FBLIM1: variants seen among roughly 807,000 people sequenced by gnomAD.
FBLIM1 encodes the protein filamin-binding LIM protein 1.
In FBLIM1, 29 loss-of-function variants were observed where a neutral mutation model predicts 37.4. The ratio of observed to expected loss-of-function variants is 0.77; its 90% CI spans 0.58 to 1.06. The LOEUF is 1.06. Ranked by LOEUF, FBLIM1 falls within the 50% of genes least tolerant of loss-of-function variation. The probability of loss-of-function intolerance (pLI) is 0.00; values close to 1 mark genes in which losing one functional copy is unlikely to be tolerated. For missense variants in FBLIM1, 449 were observed against 505.6 expected, an observed-to-expected ratio of 0.89 and a Z score of 1.07; for synonymous variants, 193 against 199.0, an observed-to-expected ratio of 0.97 and a Z score of 0.25.
chr1:15,779,426 T>G (rs1200402200), intron 8 of FBLIM1, among the ~76,000 whole-genome samples: 2 of 152,108 alleles, frequency 1.3e-5, no homozygotes, highest in Non-Finnish European at 2.9e-5. Context: ...TGCCTCAGCC[T>G]ACCAAGCAGC....
At chr1:15,777,030 A>T (rs1429185067) in intron 7 of FBLIM1, 140 bp from the exon 8 acceptor site, 3 of 666,488 alleles carry the variant, frequency 4.5e-6, no homozygotes, top group Non-Finnish European at 8.0e-6. Context: ...CCAAGAAGAA[A>T]CAGACATCTC....
intron 6 of FBLIM1, among the ~76,000 whole-genome samples, chr1:15,772,892 C>G (rs1311043205): frequency 6.6e-6 from 1 of 152,032 alleles, no homozygotes; most frequent in Admixed American, 6.6e-5. Context: ...CCACGTGATT[C>G]TCCCGCCTCA....
intron 6 of FBLIM1, among the ~76,000 whole-genome samples, chr1:15,772,446 G>T (rs1456100535): frequency 6.6e-6 from 1 of 152,134 alleles, no homozygotes; most frequent in African/African-American, 2.4e-5. Context: ...GGGAGAGAAG[G>T]GCCATGCCCA....
At chr1:15,777,735 G>A (rs2069535964) in intron 8 of FBLIM1, among the ~76,000 whole-genome samples, 1 of 151,968 alleles carries the variant, frequency 6.6e-6, no homozygotes, top group South Asian at 2.1e-4. Context: ...ACCACACCTG[G>A]CTAATTTTTG....
intron 7 of FBLIM1, 80 bp from the exon 8 acceptor site, chr1:15,777,090 C>A: frequency 1.7e-6 from 2 of 1,153,932 alleles, no homozygotes; most frequent in Non-Finnish European, 2.5e-6. Context: ...TGAACACCAG[C>A]CAGCCCGAGT....
Position 15,770,555 on chromosome 1 carries a change from C to A in FBLIM1, c.688C>A (p.Pro230Thr), listed in dbSNP as rs749932437. ...GAGCTTCTACCAGAAGGATGGGCGA[C>A]CCCTCTGCGAACCCTGCTACCAGGT... ...GQSFYQKDGR[P>T]LCEPCYQDTL... Residue 230 changes from proline to threonine, a missense_variant, in exon 6 of 9, where the codon CCC becomes ACC. Transcript: ENST00000375766. 4 of 1,613,838 alleles carry A rather than the reference C, an allele frequency of 2.5e-6. No homozygotes were observed. The highest frequency in any genetic ancestry group is 1.3e-5 in the African/African-American group (1 of 74,926).
At chr1:15,772,103 T>A (rs1024548487) in intron 6 of FBLIM1, among the ~76,000 whole-genome samples, 2 of 152,172 alleles carry the variant, frequency 1.3e-5, no homozygotes, top group Non-Finnish European at 2.9e-5. Flanking sequence ...TGTAGGCCAC[T>A]CTTTGTGCTT....
At position 15,770,676 on chromosome 1, in the gene FBLIM1, A is replaced by G. The variant is rs1447355402; in HGVS notation, c.711+98A>G. The G allele has an allele frequency of 2.2e-6, 3 of 1,365,962 alleles. No homozygotes were observed. In the African/African-American group the frequency reaches 4.3e-5, roughly 20 times the overall value. 84.6% of individuals were successfully genotyped at this position (1,365,962 alleles called of 1,614,324 possible). A position where few individuals can be genotyped will look rare whatever the true frequency, so the allele number is the denominator to read the frequency against. On this transcript the variant is annotated intron_variant, in intron 6 of 8. Coordinates refer to ENST00000375766, the MANE Select transcript of FBLIM1 (RefSeq NM_017556.4). ...CCCCACACAGTCCTGGGAAGTAGGC[A>G]CTATTGACCCCTTTCACAGATGAGG... is the stretch of plus-strand genomic sequence containing the variant.
rs1479599531 is a variant in FBLIM1, at chr1:15,784,708, C to A, written c.*47C>A. ...CAGACCACTAGCCCCGGCTGGGGCC[C>A]TTCCCTGACTTGGTTTCCCTTCCTA... On this transcript the variant is annotated 3_prime_UTR_variant, in exon 9 of 9. Coordinates refer to ENST00000375766, the MANE Select transcript of FBLIM1 (RefSeq NM_017556.4). The A allele has an allele frequency of 1.9e-6, 3 of 1,545,128 alleles. No individual in the cohort carries two copies. The highest frequency in any genetic ancestry group is 1.7e-5 in the Admixed American group (1 of 58,096).
chr1:15,778,645 CTTT>C (rs57110270), intron 8 of FBLIM1, among the ~76,000 whole-genome samples: 2 of 146,956 alleles, frequency 1.4e-5, no homozygotes, highest in Non-Finnish European at 1.5e-5. Flanking sequence ...GCTTCTTTTT[CTTT>C]TTTTTTTTTG....
chr1:15,762,071 T>A (rs1265471827), intron 1 of FBLIM1, among the ~76,000 whole-genome samples: 1 of 151,732 alleles, frequency 6.6e-6, no homozygotes, highest in Non-Finnish European at 1.5e-5. Flanking sequence ...GGTGCCACCA[T>A]GCTCTCTGAT....
Position 15,767,435 on chromosome 1 carries a change from C to T in FBLIM1, c.310C>T (p.Leu104Phe), listed in dbSNP as rs148878386. Residue 104 changes from leucine (L) to phenylalanine (F), a missense_variant, in exon 4 of 9, where the codon CTC becomes TTC. Transcript: ENST00000375766. ...GEDVLPDLDL[L>F]PPPPPPPPVL... is the part of the protein sequence containing the mutation. ...GGACGTGCTTCCTGACCTGGACCTC[C>T]TCCCACCCCCTCCACCGCCCCCTCC... 1.9e-6 allele frequency: 3 copies of T among 1,554,648 alleles called. No homozygotes were observed. The highest frequency in any genetic ancestry group is 1.4e-5 in the African/African-American group (1 of 71,802).
In FBLIM1 at chr1:15,765,929, G is replaced by A. The variant is rs2068894435; in HGVS notation, c.250+696G>A. ...CACTCTTACTGCCTCTCCAAGACCT[G>A]GTTCCTGACTCCGTGAGCTCATCGG... On this transcript the variant is annotated intron_variant, in intron 3 of 8. Transcript: ENST00000375766. This position sits in a 1 kb window ranked among gnomAD's most constrained non-coding sequence, Gnocchi z 5.9. Among the ~76,000 whole-genome samples, 1 of 152,074 alleles carries A rather than the reference G, an allele frequency of 6.6e-6. No homozygotes were observed. Among genetic ancestry groups the A allele is most frequent in the Non-Finnish European group, 1.5e-5 (1 of 68,014 alleles).
chr1:15,765,106 C>T lies in FBLIM1; in HGVS notation c.123C>T (p.Arg41=), dbSNP rs1230989414. The T allele has an allele frequency of 6.2e-7, 1 of 1,613,834 alleles. No homozygotes were observed. Among genetic ancestry groups the T allele is most frequent in the Non-Finnish European group, 8.5e-7 (1 of 1,179,866 alleles). ...CAGTTTGTGAGGCCCGGCGTGGCCGCCCCTGGGAGGCTCCTGCCCCCATGA... is the reference window on the plus strand; with the variant it reads ...CAGTTTGTGAGGCCCGGCGTGGCCGTCCCTGGGAGGCTCCTGCCCCCATGA... ...RQAVCEARRG[R]PWEAPAPMKT... is the part of the protein sequence containing the mutation. Residue 41 remains arginine, a synonymous_variant, in exon 3 of 9, where the codon CGC becomes CGT. Coordinates refer to ENST00000375766, the MANE Select transcript of FBLIM1 (RefSeq NM_017556.4). The surrounding 1 kb of genome is among the most constrained non-coding windows in gnomAD (Gnocchi z 5.9).
rs1260324490 is a variant in FBLIM1, at chr1:15,786,114, AGCCT to A, written c.*1455_*1458del. ...AAGTCCTACTTGGGCCCTGCAGCCC[AGCCT>A]GTGTTGTAACCTCTGCGTCCTCAAG... On this transcript the variant is annotated 3_prime_UTR_variant, in exon 9 of 9. Transcript: ENST00000375766. 1 of 152,296 alleles carries A rather than the reference AGCCT, an allele frequency of 6.6e-6. No individual in the cohort carries two copies. Among genetic ancestry groups the A allele is most frequent in the East Asian group, 1.9e-4 (1 of 5,204 alleles). The allele number at this position is 152,296 out of a possible 1,614,324, so 9.4% of individuals were successfully genotyped here. A position where few individuals can be genotyped will look rare whatever the true frequency, so the allele number is the denominator to read the frequency against.
rs78036615 is a variant in FBLIM1 at position 15,764,223 on chromosome 1, C to T, written c.-210-273C>T. Among the ~76,000 whole-genome samples, 30 of 152,314 alleles carry T rather than the reference C, an allele frequency of 2.0e-4. No individual in the cohort carries two copies. In the East Asian group the frequency reaches 3.9e-3, roughly 20 times the overall value. ...CTGGGTTCCAGTGCCACCTCACCACCGTGTGACCCTGGACAGGTGACTTCT... is the reference window on the plus strand; with the variant it reads ...CTGGGTTCCAGTGCCACCTCACCACTGTGTGACCCTGGACAGGTGACTTCT... On this transcript the variant is annotated intron_variant, in intron 1 of 8. Coordinates refer to ENST00000375766, the MANE Select transcript of FBLIM1 (RefSeq NM_017556.4).
At chr1:15,760,404 C>T (rs1362275116) in intron 1 of FBLIM1, among the ~76,000 whole-genome samples, 2 of 151,912 alleles carry the variant, frequency 1.3e-5, no homozygotes, top group African/African-American at 4.8e-5. Flanking sequence ...GTGGCGTGTG[C>T]CTGTGGTCCC....
At chr1:15,782,016 C>A (rs562832708) in intron 8 of FBLIM1, among the ~76,000 whole-genome samples, 164 of 151,932 alleles carry the variant, frequency 1.1e-3, no homozygotes, top group Non-Finnish European at 1.9e-3. Context: ...CCGCACCTGG[C>A]CTGTAGGTAG....
intron 4 of FBLIM1, among the ~76,000 whole-genome samples, chr1:15,768,034 C>T (rs1426137629): frequency 6.6e-6 from 1 of 152,168 alleles, no homozygotes; most frequent in Non-Finnish European, 1.5e-5. Context: ...CAGGCACCCA[C>T]ACCATGCCTG....
Sources: gnomAD v4.1 joint callset for allele counts (sites outside exome capture counted in the v4.1 genomes callset) on GRCh38, gnomAD v4.1.1 for gene constraint, Gnocchi (gnomAD v3.1) non-coding constraint, MANE v1.5 for transcripts, NCBI Gene and HGNC (gene_info 2026-07-23, HGNC 2026-07-21) for gene names.